ZNF544: variants seen among roughly 807,000 people sequenced by gnomAD.
ZNF544 encodes the protein zinc finger protein 544.
A neutral mutation model predicts 13.5 loss-of-function variants in ZNF544; 10 were observed. That is an observed-to-expected ratio of 0.74 (90% confidence interval 0.46 to 1.25). ZNF544 has a LOEUF of 1.25. Ranked by LOEUF, ZNF544 falls within the 50% of genes most tolerant of loss-of-function variation. The pLI is 0.00. For missense variants in ZNF544, 896 were observed against 845.6 expected, an observed-to-expected ratio of 1.06 and a Z score of -0.74; for synonymous variants, 323 against 300.5, an observed-to-expected ratio of 1.07 and a Z score of -0.77.
exon 7 of ZNF544, chr19:58,277,185 A>G (rs913302443): frequency 2.8e-5 from 35 of 1,231,580 alleles, no homozygotes; most frequent in South Asian, 4.1e-5. Context: ...CTTCTCAGGA[A>G]CGAGGCCCAG....
chr19:58,241,844 CT>C (rs2043951816), intron 3 of ZNF544, among the ~76,000 whole-genome samples: 2 of 152,268 alleles, frequency 1.3e-5, no homozygotes, highest in South Asian at 4.1e-4. Context: ...TGTCCTCCCC[CT>C]GGCACTGAGG....
At chr19:58,272,647 A>T (rs1258930642) in intron 5 of ZNF544, among the ~76,000 whole-genome samples, 18 of 152,178 alleles carry the variant, frequency 1.2e-4, no homozygotes, top group Non-Finnish European at 1.5e-5. Flanking sequence ...ATCAAGAAGA[A>T]GTTGAGGCGG....
At chr19:58,236,814 T>C (rs260483) in intron 3 of ZNF544, among the ~76,000 whole-genome samples, 9 of 150,884 alleles carry the variant, frequency 6.0e-5, no homozygotes, top group African/African-American at 2.2e-4. Flanking sequence ...GGATCTCAGC[T>C]CACTGCAACC....
At position 58,261,625 on chromosome 19, in the gene ZNF544, C is replaced by G. The variant is rs746120751; in HGVS notation, c.1019C>G (p.Ser340Cys). The part of the protein sequence containing the change: ...ERCAAFPMAS[S>C]FSDCNIIQTT... ...TGTGCTGCCTTCCCCATGGCCTCAT[C>G]TTTTTCTGACTGTAACATCATTCAG... Residue 340 changes from serine (S) to cysteine (C), a missense_variant, in exon 7 of 7, where the codon TCT (serine) becomes TGT (cysteine). By Grantham distance (112) the Ser-to-Cys change is moderately radical (BLOSUM62 -1). Transcript: ENST00000687789. The G allele has an allele frequency of 3.7e-6, 6 of 1,614,102 alleles. No individual in the cohort carries two copies. Among genetic ancestry groups the G allele is most frequent in the Admixed American group, 1.7e-5 (1 of 59,992 alleles).
chr19:58,242,852 C>T (rs1467359874), intron 3 of ZNF544, among the ~76,000 whole-genome samples: 1 of 152,162 alleles, frequency 6.6e-6, no homozygotes, highest in African/African-American at 2.4e-5. Context: ...GCACACGTCA[C>T]CATGCCTGGC....
chr19:58,272,880 AAAAG>A (rs1367571727), intron 5 of ZNF544, among the ~76,000 whole-genome samples: 3 of 151,936 alleles, frequency 2.0e-5, no homozygotes, highest in Middle Eastern at 6.8e-3. Flanking sequence ...CTCAAAAAAA[AAAAG>A]AAAAGAAAAG....
chr19:58,276,409 C>T lies in ZNF544; in HGVS notation c.331C>T (p.Gln111Ter), dbSNP rs113836051. 3,821 of 1,231,500 alleles carry T rather than the reference C, an allele frequency of 3.1e-3. 95 individuals carry two copies. In the African/African-American group the frequency reaches 0.052, roughly 17 times the overall value. The allele number at this position is 1,231,500 out of a possible 1,614,324, so 76.3% of individuals were successfully genotyped here. The change falls in exon 6 of 7, where the codon CAG becomes TAG. Residue 111 changes from glutamine (Q) to a stop codon, truncating the protein, a stop_gained. Coordinates refer to the ZNF544 transcript ENST00000595981. LOFTEE classifies it high-confidence loss of function. ...GGAAGGCTGCCTGATCCAGTTCCCA[C>T]AGCAGCTGCCACTTGCTCAGGTGAG...
downstream of ZNF544, among the ~76,000 whole-genome samples, chr19:58,264,548 C>T (rs902442116): frequency 6.6e-6 from 1 of 150,664 alleles, no homozygotes; most frequent in African/African-American, 2.5e-5. Context: ...AAAAATTAGC[C>T]GGGTGTGGTG....
chr19:58,260,751 A>AC, intron 6 of ZNF544, 100 bp from the exon 7 acceptor site: 1 of 1,144,692 alleles, frequency 8.7e-7, no homozygotes, highest in Non-Finnish European at 1.2e-6. Flanking sequence ...TTGGAAACAA[A>AC]CCAGAGACAC....
At chr19:58,241,698 C>T (rs1248959724) in intron 3 of ZNF544, among the ~76,000 whole-genome samples, 2 of 151,858 alleles carry the variant, frequency 1.3e-5, no homozygotes, top group Non-Finnish European at 2.9e-5. Context: ...AGGGTTTCAC[C>T]GTGTTAGCCA....
chr19:58,248,766 C>T (rs976911901), intron 6 of ZNF544, among the ~76,000 whole-genome samples: 2 of 151,820 alleles, frequency 1.3e-5, no homozygotes, highest in African/African-American at 4.8e-5. Flanking sequence ...AAGAATGAAG[C>T]AAAAAAAGCA....
chr19:58,261,373 C>T lies in ZNF544; in HGVS notation c.767C>T (p.Ser256Phe). 6.2e-7 allele frequency: 1 copy of T among 1,614,090 alleles called. No individual in the cohort carries two copies. Among genetic ancestry groups the T allele is most frequent in the Non-Finnish European group, 8.5e-7 (1 of 1,180,024 alleles). Residue 256 changes from serine to phenylalanine, a missense_variant, in exon 7 of 7, where the codon TCC becomes TTC. Transcript: ENST00000687789. ...VSGDSLNYGS[S>F]LCFHGRTFSV... is the part of the protein sequence containing the mutation. ...GGTGACTCTCTCAACTATGGTTCCT[C>T]CCTTTGTTTTCATGGTAGAACTTTT...
intron 6 of ZNF544, chr19:58,247,442 A>G (rs979498502): frequency 6.6e-6 from 1 of 151,860 alleles, no homozygotes; most frequent in Non-Finnish European, 1.5e-5. Context: ...TTGTATTTTT[A>G]GTGGAGACAG....
At chr19:58,271,805 C>A (rs1353445509) in intron 5 of ZNF544, among the ~76,000 whole-genome samples, 1 of 152,154 alleles carries the variant, frequency 6.6e-6, no homozygotes, top group Non-Finnish European at 1.5e-5. Flanking sequence ...GGATTATGAA[C>A]AACTGTCCTA....
rs2048786241 is a variant in ZNF544, at chr19:58,260,886, TCTGAAAAAGATCGAG to T, written c.283_297del (p.Glu95_Ala99del). Reference sequence around the variant, plus strand: ...TACCCTTGAGGAGAATAGGTTGAATTCTGAAAAAGATCGAGCTAGGGAAGAACTATCCCACCACGT... The same window carrying T: ...TACCCTTGAGGAGAATAGGTTGAATTCTAGGGAAGAACTATCCCACCACGT... On this transcript the variant is annotated inframe_deletion, in exon 7 of 7. Transcript: ENST00000687789. The T allele has an allele frequency of 6.2e-7, 1 of 1,610,422 alleles. No individual in the cohort carries two copies. The highest frequency in any genetic ancestry group is 8.5e-7 in the Non-Finnish European group (1 of 1,178,710).
chr19:58,240,226 A>C (rs548807290), intron 3 of ZNF544, among the ~76,000 whole-genome samples: 15 of 151,830 alleles, frequency 9.9e-5, no homozygotes, highest in Non-Finnish European at 1.9e-4. Flanking sequence ...CTCAGAGGTT[A>C]CAGCCAGTCA....
At chr19:58,251,459 C>G (rs2046294404) in intron 6 of ZNF544, 3 of 495,068 alleles carry the variant, frequency 6.1e-6, no homozygotes, top group Non-Finnish European at 1.2e-5. Flanking sequence ...ATGGCCAGTA[C>G]TGAAAATGGT....
chr19:58,235,690 A>G (rs1026746454), intron 3 of ZNF544, among the ~76,000 whole-genome samples: 1 of 152,254 alleles, frequency 6.6e-6, no homozygotes, highest in Non-Finnish European at 1.5e-5. Context: ...TTCTAAATAT[A>G]TTGTACATGA....
At chr19:58,239,744 C>G (rs923705606) in intron 3 of ZNF544, among the ~76,000 whole-genome samples, 1 of 152,018 alleles carries the variant, frequency 6.6e-6, no homozygotes, top group Non-Finnish European at 1.5e-5. Context: ...ACTAAAAATA[C>G]AAAAATTAGC....
Sources: gnomAD v4.1 joint callset for allele counts (sites outside exome capture counted in the v4.1 genomes callset) on GRCh38, gnomAD v4.1.1 for gene constraint, MANE v1.5 for transcripts, NCBI Gene and HGNC (gene_info 2026-07-23, HGNC 2026-07-21) for gene names.